Variants in NALF1 observed in about 807,000 individuals in gnomAD.
The protein encoded by NALF1 is family with sequence similarity 155 member A.
In NALF1, 3 loss-of-function variants were observed where a neutral mutation model predicts 48.4. The ratio of observed to expected loss-of-function variants is 0.06; its 90% CI spans 0.03 to 0.16. The LOEUF is 0.16. NALF1 is among the 10% of genes least tolerant of loss of function. The pLI is 1.00. For synonymous variants in NALF1, 262 were observed against 245.7 expected, an observed-to-expected ratio of 1.07 and a Z score of -0.62; for missense variants, 526 against 571.5, an observed-to-expected ratio of 0.92 and a Z score of 0.81.
chr13:107,180,300 T>G (rs1468259710), intron 2 of NALF1, among the ~76,000 whole-genome samples: 1 of 152,084 alleles, frequency 6.6e-6, no homozygotes, highest in Non-Finnish European at 1.5e-5. Flanking sequence ...GTCAATAAAG[T>G]TCCTTTATTC....
rs191898991 is a variant in NALF1 at position 107,847,847 on chromosome 13, T to G, written c.915+17835A>C. On this transcript the variant is annotated intron_variant, in intron 1 of 2. Coordinates refer to ENST00000375915, the MANE Select transcript of NALF1 (RefSeq NM_001080396.3). ...AGTGTGAGATAATAAACACGACTTG[T>G]TTTAAGTCTCTATATGTGTGAAAAT... Among the ~76,000 whole-genome samples the G allele has an allele frequency of 1.1e-4, 16 of 152,358 alleles. No homozygotes were observed. In the East Asian group the frequency reaches 3.1e-3, roughly 29 times the overall value.
chr13:107,729,836 G>A (rs1287508879), intron 1 of NALF1, among the ~76,000 whole-genome samples: 1 of 152,174 alleles, frequency 6.6e-6, no homozygotes, highest in Non-Finnish European at 1.5e-5. Context: ...AACTCGGAGG[G>A]TGTAGCTGCC....
intron 1 of NALF1, among the ~76,000 whole-genome samples, chr13:107,390,183 C>T (rs1369108515): frequency 1.3e-5 from 2 of 151,806 alleles, no homozygotes; most frequent in African/African-American, 2.4e-5. Flanking sequence ...CATAGTGAAA[C>T]CCCATCTCTA....
At chr13:107,636,710 T>C (rs1196990827) in intron 1 of NALF1, among the ~76,000 whole-genome samples, 1 of 151,944 alleles carries the variant, frequency 6.6e-6, no homozygotes, top group African/African-American at 2.4e-5. Context: ...TATAATATAC[T>C]TGGTAGCCTC....
chr13:107,599,365 T>C (rs1878855231), intron 1 of NALF1, among the ~76,000 whole-genome samples: 1 of 147,392 alleles, frequency 6.8e-6, no homozygotes, highest in East Asian at 2.0e-4. Flanking sequence ...GAGCTTGCAG[T>C]GAGCCAAGAT....
At chr13:107,360,973 A>AATAC (rs1883051112) in intron 1 of NALF1, among the ~76,000 whole-genome samples, 1 of 152,116 alleles carries the variant, frequency 6.6e-6, no homozygotes, top group South Asian at 2.1e-4. Context: ...AGTGATGTTT[A>AATAC]ATACATCTTT....
At chr13:107,295,229 T>C (rs562659291) in intron 1 of NALF1, among the ~76,000 whole-genome samples, 78 of 152,198 alleles carry the variant, frequency 5.1e-4, no homozygotes, top group Non-Finnish European at 6.2e-4. Context: ...TAATAAGTGA[T>C]AACATGTGGT....
intron 1 of NALF1, among the ~76,000 whole-genome samples, chr13:107,785,299 G>C (rs920345956): frequency 6.6e-6 from 1 of 152,068 alleles, no homozygotes; most frequent in Non-Finnish European, 1.5e-5. Flanking sequence ...CCCTCAGTGA[G>C]TGACTGAGAG....
chr13:107,865,794 T>A lies in NALF1; in HGVS notation c.803A>T (p.Tyr268Phe), dbSNP rs1323821362. The change falls in exon 1 of 3, where the codon TAC (tyrosine) becomes TTC (phenylalanine). Residue 268 changes from tyrosine (Y) to phenylalanine (F), a missense_variant. Physicochemically the swap from Tyr to Phe is conservative, Grantham distance 22 (BLOSUM62 3). Around this residue, in one of 2 missense-constraint regions of NALF1, gnomAD observed 373 missense variants for 355.5 expected, o/e 1.05. Coordinates refer to ENST00000375915, the MANE Select transcript of NALF1 (RefSeq NM_001080396.3). ...MTTCRQCVEAYQDYDHHAQEK... is the reference protein window; with the variant it reads ...MTTCRQCVEAFQDYDHHAQEK... Reference sequence around the variant, plus strand: ...CTGAGCATGGTGGTCATAGTCCTGGTAAGCCTCGACGCACTGCCTGCAAGT... The same window carrying A: ...CTGAGCATGGTGGTCATAGTCCTGGAAAGCCTCGACGCACTGCCTGCAAGT... The A allele has an allele frequency of 6.2e-7, 1 of 1,614,178 alleles. No individual in the cohort carries two copies. Among genetic ancestry groups the A allele is most frequent in the Admixed American group, 1.7e-5 (1 of 60,022 alleles).
In NALF1 at chr13:107,830,248, C is replaced by T. The variant is rs114136029; in HGVS notation, c.915+35434G>A. Among the ~76,000 whole-genome samples the T allele has an allele frequency of 7.8e-3, 1,190 of 152,322 alleles. 4 individuals are homozygous for T. Among genetic ancestry groups the T allele is most frequent in the Non-Finnish European group, 0.013 (876 of 68,032 alleles). ...AAAGATCTGTCTTCCAAAGGCCAAT[C>T]ACCACTGTATCCTTCGTTCCTTTAA... On this transcript the variant is annotated intron_variant, in intron 1 of 2. Transcript: ENST00000375915.
chr13:107,328,241 T>G (rs908435766), intron 1 of NALF1, among the ~76,000 whole-genome samples: 2 of 150,378 alleles, frequency 1.3e-5, no homozygotes, highest in African/African-American at 2.5e-5. Flanking sequence ...CTAAACACCC[T>G]TTGACTTCTT....
chr13:107,778,597 GT>G (rs894436936), intron 1 of NALF1, among the ~76,000 whole-genome samples: 28 of 151,320 alleles, frequency 1.9e-4, no homozygotes, highest in African/African-American at 5.8e-4. Context: ...TTTTTTTTCT[GT>G]TTTTTTGTTT....
intron 1 of NALF1, among the ~76,000 whole-genome samples, chr13:107,831,569 C>T (rs1186858613): frequency 6.6e-6 from 1 of 151,808 alleles, no homozygotes; most frequent in Non-Finnish European, 1.5e-5. Flanking sequence ...CTGAGTAGTG[C>T]TGTGATTCAA....
chr13:107,640,702 T>C (rs1285600580), intron 1 of NALF1, among the ~76,000 whole-genome samples: 2 of 152,212 alleles, frequency 1.3e-5, no homozygotes, highest in Non-Finnish European at 2.9e-5. Context: ...ATGAGTATTT[T>C]TTCTAAGAAT....
chr13:107,567,400 A>T (rs941607063), intron 1 of NALF1, among the ~76,000 whole-genome samples: 1 of 152,270 alleles, frequency 6.6e-6, no homozygotes, highest in Admixed American at 6.5e-5. Flanking sequence ...GTCAGAAATT[A>T]ATTAGACATT....
chr13:107,519,139 T>C (rs541777221), intron 1 of NALF1, among the ~76,000 whole-genome samples: 4 of 152,228 alleles, frequency 2.6e-5, no homozygotes, highest in Non-Finnish European at 5.9e-5. Flanking sequence ...GATATGTGTT[T>C]ACAATCAGTC....
At chr13:107,461,330 GAAGT>G (rs1884915332) in intron 1 of NALF1, among the ~76,000 whole-genome samples, 1 of 152,100 alleles carries the variant, frequency 6.6e-6, no homozygotes, top group Non-Finnish European at 1.5e-5. Context: ...TTATTAACAT[GAAGT>G]AATTAAACTT....
intron 1 of NALF1, among the ~76,000 whole-genome samples, chr13:107,412,875 C>A (rs1306086049): frequency 6.6e-6 from 1 of 152,154 alleles, no homozygotes; most frequent in African/African-American, 2.4e-5. Flanking sequence ...CATGAACTTA[C>A]ACAATCTTCC....
chr13:107,168,484 T>C lies in NALF1; in HGVS notation c.*2013A>G, dbSNP rs1381220189. The C allele has an allele frequency of 6.6e-6, 1 of 152,470 alleles. No individual in the cohort carries two copies. The highest frequency in any genetic ancestry group is 1.5e-5 in the Non-Finnish European group (1 of 68,034). 9.4% of individuals were successfully genotyped at this position (152,470 alleles called of 1,614,324 possible). On this transcript the variant is annotated 3_prime_UTR_variant, in exon 3 of 3. Coordinates refer to ENST00000375915, the MANE Select transcript of NALF1 (RefSeq NM_001080396.3). ...CTGTCCACATGTGAATGTATTTGCA[T>C]TTGCAGAAAAAAAAATTTTAAAAAA...
Sources: gnomAD v4.1 joint callset for allele counts (sites outside exome capture counted in the v4.1 genomes callset) on GRCh38, gnomAD v4.1.1 for gene constraint, gnomAD v4.1.1 regional missense constraint, MANE v1.5 for transcripts, NCBI Gene and HGNC (gene_info 2026-07-23, HGNC 2026-07-21) for gene names.